The following ADCY7 variants were observed in gnomAD, a reference collection of about 807,000 sequenced individuals.
ADCY7 encodes the protein adenylate cyclase type 7.
A neutral mutation model predicts 120.6 loss-of-function variants in ADCY7; 72 were observed. The ratio of observed to expected loss-of-function variants is 0.60; its 90% CI spans 0.49 to 0.73. The LOEUF is 0.73. Ranked by LOEUF, ADCY7 falls within the 30% of genes least tolerant of loss-of-function variation. The probability of loss-of-function intolerance (pLI) is 0.00; values close to 1 mark genes in which losing one functional copy is unlikely to be tolerated. For missense variants in ADCY7, 1,227 were observed against 1,486.0 expected, an observed-to-expected ratio of 0.83 and a Z score of 2.87; for synonymous variants, 661 against 628.0, an observed-to-expected ratio of 1.05 and a Z score of -0.78.
At chr16:50,249,778 G>A (rs562524946) in intron 1 of ADCY7, among the ~76,000 whole-genome samples, 1 of 152,356 alleles carries the variant, frequency 6.6e-6, no homozygotes, top group Non-Finnish European at 1.5e-5. Context: ...GTGGGCATCT[G>A]GCCAGGGCCA....
intron 10 of ADCY7, among the ~76,000 whole-genome samples, chr16:50,302,802 A>G (rs1486121928): frequency 6.6e-6 from 1 of 152,020 alleles, no homozygotes; most frequent in Non-Finnish European, 1.5e-5. Flanking sequence ...ATGGTCGCGC[A>G]CCCTGCATTT....
intron 1 of ADCY7, among the ~76,000 whole-genome samples, chr16:50,282,866 A>C (rs2034360472): frequency 6.6e-6 from 1 of 152,024 alleles, no homozygotes. Context: ...GTATGCCACC[A>C]AGCCTGGCTA....
chr16:50,279,754 G>A (rs2034132438), intron 1 of ADCY7: 1 of 152,256 alleles, frequency 6.6e-6, no homozygotes, highest in Non-Finnish European at 1.5e-5. Context: ...GCATTAGAAT[G>A]GGCATGAGAC....
chr16:50,275,153 C>T (rs759399039), intron 1 of ADCY7, among the ~76,000 whole-genome samples: 1 of 152,216 alleles, frequency 6.6e-6, no homozygotes, highest in East Asian at 1.9e-4. Context: ...AGACCGTGAG[C>T]ACCTGAGAGC....
chr16:50,269,991 C>A (rs964264430), intron 1 of ADCY7, among the ~76,000 whole-genome samples: 9 of 152,126 alleles, frequency 5.9e-5, no homozygotes, highest in African/African-American at 2.2e-4. Context: ...GAGTTTGAGA[C>A]CAGCCTAGGC....
chr16:50,256,586 C>G (rs1267601995), intron 1 of ADCY7, among the ~76,000 whole-genome samples: 1 of 152,152 alleles, frequency 6.6e-6, no homozygotes, highest in African/African-American at 2.4e-5. Flanking sequence ...ACCTGTAGTT[C>G]TACCTAGTCA....
intron 18 of ADCY7, 138 bp from the exon 19 acceptor site, chr16:50,310,549 T>A: frequency 6.4e-7 from 1 of 1,550,928 alleles, no homozygotes; most frequent in Non-Finnish European, 8.7e-7. Context: ...GTCTCATTGT[T>A]TTTTGTTGAG....
At chr16:50,255,295 A>AATATAT (rs1346818689) in intron 1 of ADCY7, among the ~76,000 whole-genome samples, 1 of 148,356 alleles carries the variant, frequency 6.7e-6, no homozygotes, top group Admixed American at 6.7e-5. Flanking sequence ...AGCCAATTAA[A>AATATAT]ATATATATAT....
intron 14 of ADCY7, among the ~76,000 whole-genome samples, 198 bp from the exon 15 acceptor site, chr16:50,306,852 G>T (rs2036099464): frequency 6.6e-6 from 1 of 152,172 alleles, no homozygotes; most frequent in African/African-American, 2.4e-5. Flanking sequence ...TAGAGATGGG[G>T]ACTCACTATG....
rs2036888773 is a variant in ADCY7, at chr16:50,317,937, C to T, written c.*2432C>T. ...ACAAACAGAAGAGAAGATCATTAAC[C>T]ACTGTATACTTTGTGTATATAATAG... On this transcript the variant is annotated 3_prime_UTR_variant, in exon 26 of 26. Coordinates refer to ENST00000673801, the MANE Select transcript of ADCY7 (RefSeq NM_001114.5). 1 of 152,216 alleles carries T rather than the reference C, an allele frequency of 6.6e-6. No homozygotes were observed. The highest frequency in any genetic ancestry group is 2.1e-4 in the South Asian group (1 of 4,826). 9.4% of individuals were successfully genotyped at this position (152,216 alleles called of 1,614,324 possible).
Position 50,290,537 on chromosome 16 carries a change from C to G in ADCY7, c.252C>G (p.Tyr84Ter). Residue 84 changes from tyrosine to a stop codon, truncating the protein, a stop_gained, in exon 3 of 26, where the codon TAC becomes TAG. Transcript: ENST00000673801. LOFTEE classifies it high-confidence loss of function. The part of the protein sequence containing the change: ...AVFAALSVLM[Y>*]VECLLRRWLR... ...TTGCGGCCCTCTCTGTGCTGATGTA[C>G]GTCGAGTGTCTCCTGCGGCGCTGGC... 1.2e-6 allele frequency: 2 copies of G among 1,614,234 alleles called. No individual in the cohort carries two copies. Among genetic ancestry groups the G allele is most frequent in the Non-Finnish European group, 1.7e-6 (2 of 1,180,046 alleles).
intron 1 of ADCY7, among the ~76,000 whole-genome samples, chr16:50,257,367 G>T (rs1192699080): frequency 1.3e-5 from 2 of 152,146 alleles, no homozygotes; most frequent in African/African-American, 4.8e-5. Flanking sequence ...AGGATACAAA[G>T]TTTCAGTGGA....
At chr16:50,281,157 C>T (rs1463536991) in intron 1 of ADCY7, among the ~76,000 whole-genome samples, 4 of 152,206 alleles carry the variant, frequency 2.6e-5, no homozygotes, top group East Asian at 1.9e-4. Flanking sequence ...TGACACTAAG[C>T]GTGCCTTCTT....
chr16:50,248,240 T>C (rs2150771462), intron 1 of ADCY7, among the ~76,000 whole-genome samples: 1 of 152,184 alleles, frequency 6.6e-6, no homozygotes, highest in Admixed American at 6.5e-5. Context: ...CCTCTCCCTC[T>C]TCCTGTTCGT....
chr16:50,308,436 G>A (rs368812893), intron 16 of ADCY7, 25 bp downstream of exon 16: 45 of 1,613,622 alleles, frequency 2.8e-5, no homozygotes, highest in Middle Eastern at 1.7e-4. Flanking sequence ...CTGGCCCCGC[G>A]GGCCCTCCCT....
intron 22 of ADCY7, chr16:50,313,248 C>T (rs1596996823): frequency 2.0e-6 from 1 of 504,034 alleles, no homozygotes; most frequent in East Asian, 4.3e-5. Flanking sequence ...GAAACCCTGT[C>T]TCTACTGAAA....
At chr16:50,299,098 G>A in intron 8 of ADCY7, 67 bp downstream of exon 8, 2 of 1,506,910 alleles carry the variant, frequency 1.3e-6, no homozygotes, top group Admixed American at 2.2e-5. Context: ...CATGGTAGGG[G>A]ATGTGTCATT....
Position 50,301,139 on chromosome 16 carries a change from G to A in ADCY7, c.1293G>A (p.Glu431=). ...ACCTGGACAAGGCGTACGAGGTGGA[G>A]GATGGGCACGGGCAGCAGCGGGACC... ...LKHLDKAYEV[E]DGHGQQRDPY... The change falls in exon 10 of 26, where the codon GAG becomes GAA. Residue 431 remains glutamate, a synonymous_variant. Transcript: ENST00000673801. 1.2e-6 allele frequency: 2 copies of A among 1,614,002 alleles called. No individual in the cohort carries two copies. Among genetic ancestry groups the A allele is most frequent in the Non-Finnish European group, 1.7e-6 (2 of 1,179,940 alleles).
intron 1 of ADCY7, among the ~76,000 whole-genome samples, chr16:50,257,675 C>T (rs1018152669): frequency 4.6e-5 from 7 of 151,384 alleles, no homozygotes; most frequent in Non-Finnish European, 7.4e-5. Context: ...ACTATCCATT[C>T]GGTGTTCAAA....
Sources: gnomAD v4.1 joint callset for allele counts (sites outside exome capture counted in the v4.1 genomes callset) on GRCh38, gnomAD v4.1.1 for gene constraint, MANE v1.5 for transcripts, NCBI Gene and HGNC (gene_info 2026-07-23, HGNC 2026-07-21) for gene names.